Variants in TMEM139 observed in about 807,000 individuals in gnomAD.
TMEM139 encodes the protein transmembrane protein 139.
TMEM139 carries 9 observed loss-of-function variants against 15.9 expected under a neutral mutation model. That is an observed-to-expected ratio of 0.57 (90% confidence interval 0.34 to 0.99). The LOEUF (loss-of-function observed/expected upper bound fraction) is 0.99. Ranked by LOEUF, TMEM139 falls within the 50% of genes least tolerant of loss-of-function variation. The pLI is 0.02. For synonymous variants in TMEM139, 95 were observed against 110.5 expected (o/e 0.86, Z 0.88); for missense variants, 270 against 267.7 (o/e 1.01, Z -0.06).
Position 143,286,529 on chromosome 7 carries a change from T to C in TMEM139, c.351T>C (p.Val117=), listed in dbSNP as rs1194419964. 1.9e-6 allele frequency: 3 copies of C among 1,608,300 alleles called. No individual in the cohort carries two copies. Among genetic ancestry groups the C allele is most frequent in the Non-Finnish European group, 2.5e-6 (3 of 1,177,460 alleles). The change falls in exon 3 of 3, where the codon GTT becomes GTC. Residue 117 remains valine (V), a synonymous_variant. Transcript: ENST00000359333. The part of the protein sequence containing the change: ...ELDQPPPYST[V]VIPPAPEEEQ... ...ACCAACCACCCCCCTACAGCACTGTTGTGATACCCCCAGCACCTGAGGAGG... is the reference window on the plus strand; with the variant it reads ...ACCAACCACCCCCCTACAGCACTGTCGTGATACCCCCAGCACCTGAGGAGG...
chr7:143,285,678 A>T, intron 1 of TMEM139: 1 of 468,504 alleles, frequency 2.1e-6, no homozygotes, highest in Non-Finnish European at 3.9e-6. Context: ...ACAGGGAAGG[A>T]GAAAGGAAAG....
rs187241522 is a variant in TMEM139, at chr7:143,286,696, C to T, written c.518C>T (p.Thr173Ile). Residue 173 changes from threonine to isoleucine, a missense_variant, in exon 3 of 3, where the codon ACT becomes ATT. Physicochemically the swap from Thr to Ile is moderately conservative, Grantham distance 89. Transcript: ENST00000359333. Reference sequence around the variant, plus strand: ...CTTCGGGGACCACGGGCTGTGTCCACTGCTCCTGATCTGCAGAGCTTGGCG... The same window carrying T: ...CTTCGGGGACCACGGGCTGTGTCCATTGCTCCTGATCTGCAGAGCTTGGCG... Reference protein sequence around the residue: ...LRLRGPRAVSTAPDLQSLAAV... With the variant: ...LRLRGPRAVSIAPDLQSLAAV... 11 of 1,614,202 alleles carry T rather than the reference C, an allele frequency of 6.8e-6. No individual in the cohort carries two copies. Among genetic ancestry groups the T allele is most frequent in the East Asian group, 2.2e-5 (1 of 44,886 alleles).
In TMEM139 at chr7:143,286,477, A is replaced by C. The variant is rs755003756; in HGVS notation, c.299A>C (p.Glu100Ala). 3.8e-6 allele frequency: 6 copies of C among 1,562,864 alleles called. No homozygotes were observed. Residue 100 changes from glutamate (E) to alanine (A), a missense_variant, in exon 3 of 3, where the codon GAA becomes GCA. Physicochemically the swap from Glu to Ala is moderately radical, Grantham distance 107 (BLOSUM62 -1). Coordinates refer to ENST00000359333, the MANE Select transcript of TMEM139 (RefSeq NM_001282876.2). ...PVYEEAVVGL[E>A]SQCRPQELDQ... ...TATGAAGAGGCCGTGGTGGGACTAGAATCCCAGTGCCGCCCCCAAGAGTTG... is the reference window on the plus strand; with the variant it reads ...TATGAAGAGGCCGTGGTGGGACTAGCATCCCAGTGCCGCCCCCAAGAGTTG...
Position 143,285,925 on chromosome 7 carries a change from G to C in TMEM139, c.-17-16G>C. ...AATTGCTAGTGTAGACACAATAGCT[G>C]TGTGTCTTTTTGCAGGAGCCTGGGG... On this transcript the variant is annotated splice_polypyrimidine_tract_variant and intron_variant, in intron 1 of 2. Coordinates refer to ENST00000359333, the MANE Select transcript of TMEM139 (RefSeq NM_001282876.2). 1 of 1,613,836 alleles carries C rather than the reference G, an allele frequency of 6.2e-7. No individual in the cohort carries two copies. The highest frequency in any genetic ancestry group is 8.5e-7 in the Non-Finnish European group (1 of 1,179,854).
In TMEM139 at chr7:143,286,678, G is replaced by T; in HGVS notation, c.500G>T (p.Gly167Val). 6.2e-7 allele frequency: 1 copy of T among 1,614,178 alleles called. No homozygotes were observed. The highest frequency in any genetic ancestry group is 8.5e-7 in the Non-Finnish European group (1 of 1,180,048). The change falls in exon 3 of 3, where the codon GGA becomes GTA. Residue 167 changes from glycine (G) to valine (V), a missense_variant. Physicochemically the swap from Gly to Val is moderately radical, Grantham distance 109. Transcript: ENST00000359333. ...GCTCCAATCAACCTTCGGCTTCGGG[G>T]ACCACGGGCTGTGTCCACTGCTCCT... The part of the protein sequence containing the change: ...GRAPINLRLR[G>V]PRAVSTAPDL...
In TMEM139 at chr7:143,286,845, T is replaced by C. The variant is rs1801347441; in HGVS notation, c.*16T>C. 1.3e-6 allele frequency: 2 copies of C among 1,564,266 alleles called. No individual in the cohort carries two copies. The highest frequency in any genetic ancestry group is 2.4e-5 in the South Asian group (2 of 83,974). On this transcript the variant is annotated 3_prime_UTR_variant, in exon 3 of 3. Coordinates refer to ENST00000359333, the MANE Select transcript of TMEM139 (RefSeq NM_001282876.2). ...ACCCCCTTAAATGACTCTCCCAAGA[T>C]TTCTCTTCTCTCCACACCAGACCTC...
At chr7:143,285,519 G>C in intron 1 of TMEM139, 74 bp downstream of exon 1, 1 of 192,586 alleles carries the variant, frequency 5.2e-6, no homozygotes. Flanking sequence ...GGTGGGGGTG[G>C]AGATCCAGTA....
Position 143,286,931 on chromosome 7 carries a change from G to A in TMEM139, c.*102G>A. ...TGTCAGAAACAAGTGTTTCTGCCTG[G>A]ACATCATAAATGGGGACTTGGACCC... On this transcript the variant is annotated 3_prime_UTR_variant, in exon 3 of 3. Transcript: ENST00000359333. 1 of 1,362,830 alleles carries A rather than the reference G, an allele frequency of 7.3e-7. No individual in the cohort carries two copies. The highest frequency in any genetic ancestry group is 9.9e-7 in the Non-Finnish European group (1 of 1,005,996). 84.4% of individuals were successfully genotyped at this position (1,362,830 alleles called of 1,614,324 possible).
Position 143,286,019 on chromosome 7 carries a change from C to T in TMEM139, c.62C>T (p.Ser21Phe). The change falls in exon 2 of 3, where the codon TCC (serine) becomes TTC (phenylalanine). Residue 21 changes from serine (S) to phenylalanine (F), a missense_variant. Ser to Phe is a radical substitution (Grantham distance 155). Transcript: ENST00000359333. Reference protein sequence around the residue: ...EKPLLLLCCASFLLGLALLGI... With the variant: ...EKPLLLLCCAFFLLGLALLGI... The stretch of plus-strand genomic sequence containing the variant: ...CCGCTTCTCCTCCTGTGCTGCGCCT[C>T]CTTCCTACTGGGGCTGGCTTTGCTG... 1 of 1,614,164 alleles carries T rather than the reference C, an allele frequency of 6.2e-7. No homozygotes were observed. The highest frequency in any genetic ancestry group is 8.5e-7 in the Non-Finnish European group (1 of 1,180,022).
At position 143,286,499 on chromosome 7, in the gene TMEM139, G is replaced by GTT; in HGVS notation, c.322_323dup (p.Leu108PhefsTer12). 6.3e-7 allele frequency: 1 copy of GTT among 1,598,252 alleles called. No homozygotes were observed. Among genetic ancestry groups the GTT allele is most frequent in the Non-Finnish European group, 8.5e-7 (1 of 1,173,162 alleles). ...TAGAATCCCAGTGCCGCCCCCAAGA[G>GTT]TTGGACCAACCACCCCCCTACAGCA... On this transcript the variant is annotated frameshift_variant, in exon 3 of 3. Transcript: ENST00000359333. LOFTEE classifies it high-confidence loss of function.
rs1801367013 is a variant in TMEM139, at chr7:143,287,213, A to G, written c.*384A>G. 1 of 170,348 alleles carries G rather than the reference A, an allele frequency of 5.9e-6. No homozygotes were observed. Among genetic ancestry groups the G allele is most frequent in the Admixed American group, 6.1e-5 (1 of 16,374 alleles). 10.6% of individuals were successfully genotyped at this position (170,348 alleles called of 1,614,324 possible). A position where few individuals can be genotyped will look rare whatever the true frequency, so the allele number is the denominator to read the frequency against. ...CAGCTTTGTGAGTTATTATTGAAAAATGAGGATTCCAAGAGTCAGAGGAGT... is the reference window on the plus strand; with the variant it reads ...CAGCTTTGTGAGTTATTATTGAAAAGTGAGGATTCCAAGAGTCAGAGGAGT... On this transcript the variant is annotated 3_prime_UTR_variant, in exon 3 of 3. Transcript: ENST00000359333.
Position 143,286,087 on chromosome 7 carries a change from A to G in TMEM139, c.130A>G (p.Thr44Ala). 6.2e-7 allele frequency: 1 copy of G among 1,613,970 alleles called. No homozygotes were observed. The highest frequency in any genetic ancestry group is 1.1e-5 in the South Asian group (1 of 91,068). The change falls in exon 2 of 3, where the codon ACA becomes GCA. Residue 44 changes from threonine (T) to alanine (A), a missense_variant. Physicochemically the swap from Thr to Ala is moderately conservative, Grantham distance 58 (BLOSUM62 0). Coordinates refer to ENST00000359333, the MANE Select transcript of TMEM139 (RefSeq NM_001282876.2). ...DITPVAYFFL[T>A]LGGFFLFAYL... Reference sequence around the variant, plus strand: ...CACCCCCGTTGCTTATTTCTTTCTCACATTGGGTGGCTTCTTCTTGTTTGC... The same window carrying G: ...CACCCCCGTTGCTTATTTCTTTCTCGCATTGGGTGGCTTCTTCTTGTTTGC...
Position 143,286,929 on chromosome 7 carries a change from T to A in TMEM139, c.*100T>A. 1 of 1,362,368 alleles carries A rather than the reference T, an allele frequency of 7.3e-7. No individual in the cohort carries two copies. Among genetic ancestry groups the A allele is most frequent in the Non-Finnish European group, 9.9e-7 (1 of 1,005,276 alleles). 84.4% of individuals were successfully genotyped at this position (1,362,368 alleles called of 1,614,324 possible). On this transcript the variant is annotated 3_prime_UTR_variant, in exon 3 of 3. Coordinates refer to ENST00000359333, the MANE Select transcript of TMEM139 (RefSeq NM_001282876.2). ...TGTGTCAGAAACAAGTGTTTCTGCC[T>A]GGACATCATAAATGGGGACTTGGAC...
At chr7:143,286,319 GGGGTCAGA>G in intron 2 of TMEM139, 97 bp from the exon 3 acceptor site, 4 of 1,548,146 alleles carry the variant, frequency 2.6e-6, no homozygotes, top group Non-Finnish European at 3.5e-6. Flanking sequence ...AGCGGGAGGA[GGGGTCAGA>G]GGCCAACAGA....
Position 143,286,122 on chromosome 7 carries a change from G to A in TMEM139, c.165G>A (p.Leu55=), listed in dbSNP as rs1391107352. 1.2e-6 allele frequency: 2 copies of A among 1,613,948 alleles called. No homozygotes were observed. Among genetic ancestry groups the A allele is most frequent in the East Asian group, 2.2e-5 (1 of 44,886 alleles). The change falls in exon 2 of 3, where the codon CTG becomes CTA. Residue 55 remains leucine (L), a synonymous_variant. Coordinates refer to ENST00000359333, the MANE Select transcript of TMEM139 (RefSeq NM_001282876.2). The stretch of plus-strand genomic sequence containing the variant: ...GCTTCTTCTTGTTTGCCTATCTCCT[G>A]GTCCGGTTTCTGGAATGGGGGCTTC... ...LGGFFLFAYL[L]VRFLEWGLRS... is the part of the protein sequence containing the mutation.
chr7:143,286,801 T>C lies in TMEM139; in HGVS notation c.623T>C (p.Phe208Ser), dbSNP rs373926231. 1.7e-5 allele frequency: 28 copies of C among 1,608,182 alleles called. No individual in the cohort carries two copies. In the African/African-American group the frequency reaches 3.2e-4, roughly 18 times the overall value. The change falls in exon 3 of 3, where the codon TTT (phenylalanine) becomes TCT (serine). Residue 208 changes from phenylalanine (F) to serine (S), a missense_variant. Transcript: ENST00000359333. ...CFGHPDDDSV[F>S]YEDNWAPP is the part of the protein sequence containing the mutation. ...GGTCACCCTGATGATGATAGTGTTT[T>C]TTATGAGGACAACTGGGCACCCCCT...
Position 143,286,783 on chromosome 7 carries a change from CTGA to C in TMEM139, c.613_615del (p.Asp205del). 6.2e-7 allele frequency: 1 copy of C among 1,613,482 alleles called. No individual in the cohort carries two copies. Among genetic ancestry groups the C allele is most frequent in the Non-Finnish European group, 8.5e-7 (1 of 1,179,532 alleles). Reference sequence around the variant, plus strand: ...GCCTATGATGTCTGCTTTGGTCACCCTGATGATGATAGTGTTTTTTATGAGGAC... The same window carrying C: ...GCCTATGATGTCTGCTTTGGTCACCCTGATGATAGTGTTTTTTATGAGGAC... On this transcript the variant is annotated inframe_deletion, in exon 3 of 3. Transcript: ENST00000359333.
chr7:143,285,775 A>T, intron 1 of TMEM139, 166 bp from the exon 2 acceptor site: 1 of 885,540 alleles, frequency 1.1e-6, no homozygotes, highest in Non-Finnish European at 1.7e-6. Flanking sequence ...ACACACTCCA[A>T]GACATAGAGA....
In TMEM139 at chr7:143,287,824, CTGA is replaced by C. The variant is rs1202340563; in HGVS notation, c.*997_*999del. ...TAGGCTTTCACCCCAGCCGCCGGTC[CTGA>C]TTCCTGAGATCCCAATATTGAGCAC... is the stretch of plus-strand genomic sequence containing the variant. On this transcript the variant is annotated 3_prime_UTR_variant, in exon 3 of 3. Coordinates refer to ENST00000359333, the MANE Select transcript of TMEM139 (RefSeq NM_001282876.2). 1 of 152,530 alleles carries C rather than the reference CTGA, an allele frequency of 6.6e-6. No individual in the cohort carries two copies. Among genetic ancestry groups the C allele is most frequent in the Non-Finnish European group, 1.5e-5 (1 of 68,182 alleles). The allele number at this position is 152,530 out of a possible 1,614,324, so 9.4% of individuals were successfully genotyped here.
Sources: allele counts gnomAD v4.1 joint callset, GRCh38; gene constraint gnomAD v4.1.1; transcripts MANE v1.5; gene names NCBI Gene and HGNC (gene_info 2026-07-23, HGNC 2026-07-21).